The following CDH13 variants were observed in gnomAD, a reference collection of about 807,000 sequenced individuals.
The protein encoded by CDH13 is cadherin-13.
A neutral mutation model predicts 63.8 loss-of-function variants in CDH13; 24 were observed. The ratio of observed to expected loss-of-function variants is 0.38; its 90% CI spans 0.27 to 0.53. The LOEUF is 0.53. Ranked by LOEUF, CDH13 falls within the 20% of genes least tolerant of loss-of-function variation. The pLI is 0.85. For synonymous variants in CDH13, 503 were observed against 355.3 expected (o/e 1.42, Z -4.67); for missense variants, 1,049 against 903.1 (o/e 1.16, Z -2.07).
At position 83,348,027 on chromosome 16, in the gene CDH13, G is replaced by A. The variant is rs554985286; in HGVS notation, c.781+3021G>A. ...CAATGTGGTGAAACCCCATTGCTAC[G>A]AAAAAAACAAAAATTAGCCGGGTGC... On this transcript the variant is annotated intron_variant, in intron 6 of 13. Transcript: ENST00000567109. Among the ~76,000 whole-genome samples the A allele has an allele frequency of 2.2e-4, 33 of 151,990 alleles. No homozygotes were observed. The South Asian group carries it at 4.8e-3, about 22-fold the overall frequency.
intron 2 of CDH13, among the ~76,000 whole-genome samples, chr16:82,933,825 A>G (rs2042579103): frequency 1.3e-5 from 2 of 152,238 alleles, no homozygotes; most frequent in African/African-American, 4.8e-5. Flanking sequence ...TTAAAGCTCC[A>G]AAATAATCTC....
chr16:82,994,909 C>T (rs926068904), intron 2 of CDH13, among the ~76,000 whole-genome samples: 3 of 152,316 alleles, frequency 2.0e-5, no homozygotes, highest in African/African-American at 7.2e-5. Context: ...ATACTAGCTA[C>T]ATGACCTCGG....
chr16:82,863,090 C>T (rs1280598087), intron 2 of CDH13, among the ~76,000 whole-genome samples: 2 of 152,150 alleles, frequency 1.3e-5, no homozygotes, highest in Non-Finnish European at 2.9e-5. Context: ...ACATGGGTAT[C>T]GATGCAGGAT....
chr16:83,266,330 C>G (rs949262680), intron 5 of CDH13, among the ~76,000 whole-genome samples: 1 of 152,166 alleles, frequency 6.6e-6, no homozygotes, highest in African/African-American at 2.4e-5. Context: ...GACATGAGGC[C>G]AAGACCATAG....
chr16:83,296,544 C>T (rs59168064), intron 5 of CDH13, among the ~76,000 whole-genome samples: 2,255 of 152,222 alleles, frequency 0.015, 66 homozygotes, highest in African/African-American at 0.052. Context: ...ATGTCTGCCT[C>T]GGAGTGACTT....
chr16:83,274,726 A>C (rs72802300), intron 5 of CDH13, among the ~76,000 whole-genome samples: 6,577 of 152,056 alleles, frequency 0.043, 209 homozygotes, highest in Admixed American at 0.081. Context: ...ACCTGGTGGC[A>C]GGGGGGGTGT....
intron 6 of CDH13, among the ~76,000 whole-genome samples, chr16:83,354,835 C>G (rs2091022369): frequency 6.6e-6 from 1 of 152,208 alleles, no homozygotes; most frequent in South Asian, 2.1e-4. Flanking sequence ...ATGTGTCTCT[C>G]TGCCTGTTGT....
intron 7 of CDH13, among the ~76,000 whole-genome samples, chr16:83,549,215 C>G (rs1419197259): frequency 6.6e-6 from 1 of 152,168 alleles, no homozygotes; most frequent in Non-Finnish European, 1.5e-5. Context: ...TGGGTCTCAC[C>G]TGGGAGAGCC....
intron 10 of CDH13, chr16:83,716,855 C>G (rs904622851): frequency 4.6e-5 from 7 of 152,018 alleles, no homozygotes; most frequent in African/African-American, 1.7e-4. Context: ...AAATCAGAAA[C>G]TCTTTGGAAA....
intron 2 of CDH13, among the ~76,000 whole-genome samples, chr16:82,924,814 T>A (rs566761095): frequency 2.0e-5 from 3 of 152,160 alleles, no homozygotes; most frequent in Non-Finnish European, 2.9e-5. Flanking sequence ...AGCTAACATC[T>A]AGAATTTTAT....
At chr16:82,765,063 A>G (rs1464821731) in intron 1 of CDH13, among the ~76,000 whole-genome samples, 1 of 152,116 alleles carries the variant, frequency 6.6e-6, no homozygotes, top group Non-Finnish European at 1.5e-5. Flanking sequence ...TGATCTGCCT[A>G]CCTTGGCCTC....
At chr16:83,077,349 G>A (rs1053429738) in intron 3 of CDH13, among the ~76,000 whole-genome samples, 3 of 151,428 alleles carry the variant, frequency 2.0e-5, no homozygotes, top group Admixed American at 6.6e-5. Context: ...ACACCACCAT[G>A]CCTGGCTAAT....
chr16:83,416,113 T>A (rs1188457836), intron 6 of CDH13, among the ~76,000 whole-genome samples: 2 of 152,128 alleles, frequency 1.3e-5, no homozygotes, highest in Admixed American at 1.3e-4. Context: ...CACTAACTGA[T>A]CTAAAAAGGA....
intron 5 of CDH13, among the ~76,000 whole-genome samples, chr16:83,272,578 A>G (rs753963199): frequency 1.3e-5 from 2 of 152,204 alleles, no homozygotes; most frequent in Admixed American, 6.5e-5. Flanking sequence ...GGGCTCATCA[A>G]ATTTTTTCCA....
At chr16:83,782,667 C>T (rs1387183254) in intron 12 of CDH13, among the ~76,000 whole-genome samples, 3 of 147,556 alleles carry the variant, frequency 2.0e-5, no homozygotes, top group African/African-American at 2.5e-5. Flanking sequence ...ACCCAGGATG[C>T]GGAGGTTGCA....
intron 4 of CDH13, among the ~76,000 whole-genome samples, chr16:83,168,701 A>G (rs2037793757): frequency 6.6e-6 from 1 of 152,162 alleles, no homozygotes; most frequent in South Asian, 2.1e-4. Context: ...CCATATGAGT[A>G]TAATTAAATA....
chr16:82,829,762 C>T (rs1256735859), intron 1 of CDH13: 2 of 151,998 alleles, frequency 1.3e-5, no homozygotes. Context: ...ATTAATTAAT[C>T]TTCACCTAAT....
rs151241050 is a variant in CDH13, at chr16:83,764,048, A to G, written c.1681+15798A>G. On this transcript the variant is annotated intron_variant, in intron 11 of 13. Coordinates refer to ENST00000567109, the MANE Select transcript of CDH13 (RefSeq NM_001257.5). Reference sequence around the variant, plus strand: ...TGCCATCTGCCTGCTGGGTTGTTAGAGGGTTGGAAATCATGAATGCACAAT... The same window carrying G: ...TGCCATCTGCCTGCTGGGTTGTTAGGGGGTTGGAAATCATGAATGCACAAT... Among the ~76,000 whole-genome samples the G allele has an allele frequency of 1.1e-3, 161 of 152,268 alleles. 1 individual carries two copies. The highest frequency in any genetic ancestry group is 3.4e-3 in the Middle Eastern group (1 of 294).
In CDH13 at chr16:83,191,465, A is replaced by G. The variant is rs867672570; in HGVS notation, c.484-25880A>G. Among the ~76,000 whole-genome samples, 746 of 116,764 alleles carry G rather than the reference A, an allele frequency of 6.4e-3. 6 individuals are homozygous for G. The highest frequency in any genetic ancestry group is 0.01 in the Non-Finnish European group (570 of 54,400). The allele number at this position is 116,764 out of a possible 152,430, so 76.6% of individuals were successfully genotyped here. A position where few individuals can be genotyped will look rare whatever the true frequency, so the allele number is the denominator to read the frequency against. Reference sequence around the variant, plus strand: ...AGGACAGAACTAATAGGAAATATATATATATATATATATATATATATATGC... The same window carrying G: ...AGGACAGAACTAATAGGAAATATATGTATATATATATATATATATATATGC... On this transcript the variant is annotated intron_variant, in intron 4 of 13. Transcript: ENST00000567109.
Sources: allele counts gnomAD v4.1 joint callset (sites outside exome capture counted in the v4.1 genomes callset), GRCh38; gene constraint gnomAD v4.1.1; transcripts MANE v1.5; gene names NCBI Gene and HGNC (gene_info 2026-07-23, HGNC 2026-07-21).